The following SAMD12 variants were observed in gnomAD, a reference collection of about 807,000 sequenced individuals.
SAMD12 encodes the protein sterile alpha motif domain-containing protein 12.
Under a neutral mutation model 15.0 loss-of-function variants are expected in SAMD12, and 9 were observed. The ratio of observed to expected loss-of-function variants is 0.60; its 90% CI spans 0.36 to 1.05. The LOEUF is 1.05. SAMD12 is among the 50% of genes least tolerant of loss of function. The pLI, the probability that SAMD12 is intolerant of heterozygous loss-of-function variation, is 0.01. For synonymous variants in SAMD12, 86 were observed against 90.1 expected (o/e 0.96, Z 0.25); for missense variants, 230 against 234.2 (o/e 0.98, Z 0.12).
intron 4 of SAMD12, among the ~76,000 whole-genome samples, chr8:118,351,074 T>C (rs569943087): frequency 6.6e-6 from 1 of 152,312 alleles, no homozygotes; most frequent in South Asian, 2.1e-4. Context: ...GTCTCCAAAA[T>C]CTACTTCTTC....
chr8:118,455,891 A>G (rs1219494002), intron 2 of SAMD12, among the ~76,000 whole-genome samples: 3 of 152,168 alleles, frequency 2.0e-5, no homozygotes, highest in African/African-American at 7.2e-5. Flanking sequence ...GCACACATTC[A>G]CTTCTACCTT....
intron 3 of SAMD12, among the ~76,000 whole-genome samples, chr8:118,403,114 T>C (rs543088126): frequency 6.6e-6 from 1 of 152,222 alleles, no homozygotes; most frequent in Non-Finnish European, 1.5e-5. Context: ...AAATAAGGCA[T>C]CACAAATATC....
At chr8:118,251,523 C>A (rs1257375063) in intron 4 of SAMD12, among the ~76,000 whole-genome samples, 1 of 152,080 alleles carries the variant, frequency 6.6e-6, no homozygotes, top group Non-Finnish European at 1.5e-5. Flanking sequence ...CACTGTAAAC[C>A]TTTTGCTTTT....
At chr8:118,385,235 G>T (rs1299467181) in intron 3 of SAMD12, among the ~76,000 whole-genome samples, 1 of 152,134 alleles carries the variant, frequency 6.6e-6, no homozygotes, top group East Asian at 1.9e-4. Context: ...TTAAATTGGT[G>T]AAGTGGATAA....
intron 4 of SAMD12, among the ~76,000 whole-genome samples, chr8:118,302,580 T>C (rs943397478): frequency 4.6e-5 from 7 of 152,200 alleles, no homozygotes; most frequent in Admixed American, 3.3e-4. Context: ...ATCTCTTACT[T>C]TCCACTGTAA....
At chr8:118,157,017 G>GT in the SAMD12 span, among the ~76,000 whole-genome samples, 2 of 152,318 alleles carry the variant, frequency 1.3e-5, no homozygotes, top group Non-Finnish European at 2.9e-5. Flanking sequence ...TACACAGCCA[G>GT]TAAATACACA....
chr8:118,348,266 G>T (rs1817767472), intron 4 of SAMD12, among the ~76,000 whole-genome samples: 1 of 151,944 alleles, frequency 6.6e-6, no homozygotes, highest in African/African-American at 2.4e-5. Flanking sequence ...ACAGGGTTTT[G>T]CCATGTTGCC....
chr8:118,613,521 T>C (rs1329178100), intron 1 of SAMD12, among the ~76,000 whole-genome samples: 1 of 152,258 alleles, frequency 6.6e-6, no homozygotes, highest in Non-Finnish European at 1.5e-5. Context: ...AGCATGATTA[T>C]AAAGGAGATC....
intron 2 of SAMD12, among the ~76,000 whole-genome samples, chr8:118,527,860 A>G (rs1205966140): frequency 6.6e-6 from 1 of 152,216 alleles, no homozygotes; most frequent in African/African-American, 2.4e-5. Flanking sequence ...AAGTAGTTAG[A>G]AAAATGAATT....
intron 2 of SAMD12, among the ~76,000 whole-genome samples, chr8:118,541,166 C>T (rs1417822463): frequency 6.6e-6 from 1 of 152,106 alleles, no homozygotes. Context: ...CTTTATGACC[C>T]AGGAAGTAGA....
intron 4 of SAMD12, among the ~76,000 whole-genome samples, chr8:118,238,802 C>T (rs533999478): frequency 2.8e-4 from 42 of 152,132 alleles, no homozygotes; most frequent in African/African-American, 9.6e-4. Context: ...GTAACTCTTC[C>T]AAGGCCACAA....
intron 4 of SAMD12, among the ~76,000 whole-genome samples, chr8:118,221,343 T>G (rs181944531): frequency 1.3e-4 from 20 of 152,228 alleles, no homozygotes; most frequent in Non-Finnish European, 2.5e-4. Flanking sequence ...GAATAATTAA[T>G]CACATCCAGA....
rs114668594 is a variant in SAMD12, at chr8:118,411,504, A to G, written c.322+28328T>C. Among the ~76,000 whole-genome samples, 1,368 of 152,322 alleles carry G rather than the reference A, an allele frequency of 9.0e-3. 18 individuals carry two copies. The highest frequency in any genetic ancestry group is 0.034 in the Middle Eastern group (10 of 294). ...ATTCTAGTAAAAATAAAAGCATCACAGGGATTTAAAAGAGTGTGACTTATA... is the reference window on the plus strand; with the variant it reads ...ATTCTAGTAAAAATAAAAGCATCACGGGGATTTAAAAGAGTGTGACTTATA... On this transcript the variant is annotated intron_variant, in intron 3 of 3. Transcript: ENST00000314727.
chr8:118,422,955 G>A (rs1381636682), intron 3 of SAMD12, among the ~76,000 whole-genome samples: 1 of 152,122 alleles, frequency 6.6e-6, no homozygotes, highest in Non-Finnish European at 1.5e-5. Flanking sequence ...CTTGGGAAAG[G>A]GAACATCTTT....
intron 2 of SAMD12, among the ~76,000 whole-genome samples, chr8:118,539,492 T>A (rs974624803): frequency 6.6e-6 from 1 of 152,228 alleles, no homozygotes; most frequent in Non-Finnish European, 1.5e-5. Context: ...TAGAATTTTT[T>A]ATGACATCTA....
chr8:118,242,474 C>T (rs1432191662), intron 4 of SAMD12, among the ~76,000 whole-genome samples: 1 of 152,052 alleles, frequency 6.6e-6, no homozygotes, highest in Non-Finnish European at 1.5e-5. Context: ...GAGAGAGATT[C>T]ACATTACTTT....
At position 118,349,654 on chromosome 8, in the gene SAMD12, C is replaced by G. The variant is rs543967876; in HGVS notation, c.433+29906G>C. On this transcript the variant is annotated intron_variant, in intron 4 of 4. Coordinates refer to the SAMD12 transcript ENST00000409003. ...CTCAGTGCTTGGCACATAGTACATG[C>G]TCAATAAATGTGCATTGAATAAATG... is the stretch of plus-strand genomic sequence containing the variant. Among the ~76,000 whole-genome samples the G allele has an allele frequency of 1.2e-4, 19 of 152,322 alleles. No individual in the cohort carries two copies. In the South Asian group the frequency reaches 1.7e-3, roughly 13 times the overall value.
intron 1 of SAMD12, among the ~76,000 whole-genome samples, chr8:118,587,856 C>G (rs1003209439): frequency 6.6e-5 from 10 of 152,132 alleles, no homozygotes; most frequent in Admixed American, 2.0e-4. Flanking sequence ...CAGATGAACC[C>G]CTGCAAAATG....
chr8:118,344,214 C>T (rs936613215), intron 4 of SAMD12, among the ~76,000 whole-genome samples: 3 of 152,160 alleles, frequency 2.0e-5, no homozygotes, highest in Admixed American at 6.5e-5. Flanking sequence ...CTATCCTGCT[C>T]AGGTTGAACT....
Sources: gnomAD v4.1 joint callset for allele counts (sites outside exome capture counted in the v4.1 genomes callset) on GRCh38, gnomAD v4.1.1 for gene constraint, MANE v1.5 for transcripts, NCBI Gene and HGNC (gene_info 2026-07-23, HGNC 2026-07-21) for gene names.